The following ITPR1 variants were observed in gnomAD, a reference collection of about 807,000 sequenced individuals.
The protein encoded by ITPR1 is inositol 1,4,5-trisphosphate-gated calcium channel ITPR1.
Under a neutral mutation model 318.4 loss-of-function variants are expected in ITPR1, and 96 were observed. The observed-to-expected ratio is 0.30, with a 90% CI of 0.26 to 0.36. ITPR1 has a LOEUF of 0.36. Ranked by LOEUF, ITPR1 falls within the 10% of genes least tolerant of loss-of-function variation. The probability of loss-of-function intolerance (pLI) is 1.00; values close to 1 mark genes in which losing one functional copy is unlikely to be tolerated. For synonymous variants in ITPR1, 1,312 were observed against 1,289.9 expected (o/e 1.02, Z -0.37); for missense variants, 2,440 against 3,460.2 (o/e 0.71, Z 7.40).
At chr3:4,563,042 A>G (rs2125020200) in intron 4 of ITPR1, among the ~76,000 whole-genome samples, 1 of 152,300 alleles carries the variant, frequency 6.6e-6, no homozygotes, top group East Asian at 1.9e-4. Context: ...CAAGTTTAGG[A>G]AGAGCTGGCC....
chr3:4,707,036 TG>T (rs2094772588), intron 37 of ITPR1, among the ~76,000 whole-genome samples: 1 of 151,882 alleles, frequency 6.6e-6, no homozygotes, highest in African/African-American at 2.4e-5. Context: ...GGCCAGTGCC[TG>T]GGTTAAATTT....
At chr3:4,574,353 T>C (rs2088386385) in intron 4 of ITPR1, among the ~76,000 whole-genome samples, 1 of 152,216 alleles carries the variant, frequency 6.6e-6, no homozygotes, top group South Asian at 2.1e-4. Context: ...GTGAGGGCAA[T>C]GCTTCGTTTG....
chr3:4,818,371 C>T (rs777410804), intron 60 of ITPR1, 129 bp downstream of exon 60: 41 of 658,506 alleles, frequency 6.2e-5, no homozygotes, highest in Middle Eastern at 4.4e-4. Context: ...GCCCTTCTCA[C>T]GGATGGGGCG....
chr3:4,787,497 C>G (rs1295256642), intron 51 of ITPR1, among the ~76,000 whole-genome samples: 1 of 149,716 alleles, frequency 6.7e-6, no homozygotes, highest in South Asian at 2.1e-4. Flanking sequence ...GAGTTTGAGA[C>G]CAGCCTGGCC....
chr3:4,813,301 T>C, intron 57 of ITPR1, 67 bp downstream of exon 57: 1 of 1,092,202 alleles, frequency 9.2e-7, no homozygotes, highest in Non-Finnish European at 1.3e-6. Flanking sequence ...CTGATGCAGG[T>C]GATGTTGGAA....
At chr3:4,843,787 A>C (rs942824741) in intron 61 of ITPR1, among the ~76,000 whole-genome samples, 4 of 152,166 alleles carry the variant, frequency 2.6e-5, no homozygotes, top group African/African-American at 9.7e-5. Context: ...AGGGCTGCTA[A>C]CTGAGGAGGC....
chr3:4,606,416 C>A lies in ITPR1; in HGVS notation c.164-21347C>A, dbSNP rs1485552812. Among the ~76,000 whole-genome samples, 5 of 152,026 alleles carry A rather than the reference C, an allele frequency of 3.3e-5. No homozygotes were observed. The East Asian group carries it at 9.6e-4, about 29-fold the overall frequency. On this transcript the variant is annotated intron_variant, in intron 4 of 61. Transcript: ENST00000649015. ...AAACCAAAAGGTATCTGAGGCAGGT[C>A]TCAATCAGTGTGAAAGTTTATTTTA...
At chr3:4,737,865 C>T (rs943284474) in intron 44 of ITPR1, among the ~76,000 whole-genome samples, 1 of 152,188 alleles carries the variant, frequency 6.6e-6, no homozygotes, top group Non-Finnish European at 1.5e-5. Context: ...GTGGTGGTTA[C>T]ATGACTGTGC....
At chr3:4,549,385 T>G (rs1445640401) in intron 4 of ITPR1, among the ~76,000 whole-genome samples, 1 of 152,148 alleles carries the variant, frequency 6.6e-6, no homozygotes, top group East Asian at 1.9e-4. Flanking sequence ...GGAAAGAACT[T>G]CTAAGCTTCT....
intron 11 of ITPR1, 71 bp from the exon 12 acceptor site, chr3:4,653,771 T>A: frequency 9.0e-7 from 1 of 1,111,256 alleles, no homozygotes; most frequent in South Asian, 1.3e-5. Context: ...CCTTGAAGTC[T>A]CCTGCAAGTG....
At chr3:4,574,737 C>T (rs193134914) in intron 4 of ITPR1, among the ~76,000 whole-genome samples, 17 of 152,368 alleles carry the variant, frequency 1.1e-4, no homozygotes, top group African/African-American at 3.6e-4. Context: ...GAGAGAGCTC[C>T]TGATGCGTCA....
intron 49 of ITPR1, among the ~76,000 whole-genome samples, chr3:4,780,618 A>C (rs1441933647): frequency 2.0e-5 from 3 of 152,172 alleles, no homozygotes; most frequent in Non-Finnish European, 4.4e-5. Flanking sequence ...CTGAATGTGC[A>C]CTTGGGGGCC....
At chr3:4,531,673 C>G (rs1331979055) in intron 4 of ITPR1, among the ~76,000 whole-genome samples, 1 of 152,198 alleles carries the variant, frequency 6.6e-6, no homozygotes, top group Non-Finnish European at 1.5e-5. Context: ...AGTCAGAATA[C>G]TTGCTCTGTA....
intron 50 of ITPR1, 133 bp from the exon 51 acceptor site, chr3:4,783,683 C>A: frequency 1.4e-6 from 1 of 733,776 alleles, no homozygotes; most frequent in Non-Finnish European, 2.4e-6. Flanking sequence ...ATGGAGCAAG[C>A]CTCGTGGCAC....
At chr3:4,580,439 C>A (rs1158849416) in intron 4 of ITPR1, among the ~76,000 whole-genome samples, 1 of 152,196 alleles carries the variant, frequency 6.6e-6, no homozygotes, top group African/African-American at 2.4e-5. Flanking sequence ...GAGAACCCCA[C>A]AGATCCCCCA....
chr3:4,520,176 A>G (rs962136002), intron 3 of ITPR1, among the ~76,000 whole-genome samples: 5 of 152,224 alleles, frequency 3.3e-5, no homozygotes, highest in African/African-American at 1.2e-4. Context: ...AGCCAGTTCT[A>G]TCAGTACCAG....
In ITPR1 at chr3:4,706,192, C is replaced by T. The variant is rs529789068; in HGVS notation, c.4683C>T (p.Pro1561=). 4.3e-5 allele frequency: 70 copies of T among 1,614,054 alleles called. No individual in the cohort carries two copies. Among genetic ancestry groups the T allele is most frequent in the African/African-American group, 9.3e-5 (7 of 75,060 alleles). Residue 1561 remains proline, a synonymous_variant, in exon 37 of 62, where the codon CCC becomes CCT. Coordinates refer to ENST00000649015, the MANE Select transcript of ITPR1 (RefSeq NM_001378452.1). ...CCAAGAGCCGGGCCATTGCCATTCC[C>T]GTGGACCTGGACAGCCAAGTCAACA... ...DVAKSRAIAI[P]VDLDSQVNNL...
intron 20 of ITPR1, among the ~76,000 whole-genome samples, 195 bp from the exon 21 acceptor site, chr3:4,672,941 C>T (rs1279247718): frequency 6.6e-6 from 1 of 152,182 alleles, no homozygotes; most frequent in East Asian, 1.9e-4. Flanking sequence ...CTCTACTGCA[C>T]AGCTTGAATA....
intron 52 of ITPR1, among the ~76,000 whole-genome samples, chr3:4,789,101 G>A (rs893715943): frequency 1.3e-5 from 2 of 152,146 alleles, no homozygotes; most frequent in Non-Finnish European, 2.9e-5. Context: ...TCGCCCAAAG[G>A]TCCCATTCCC....
Sources: gnomAD v4.1 joint callset for allele counts (sites outside exome capture counted in the v4.1 genomes callset) on GRCh38, gnomAD v4.1.1 for gene constraint, MANE v1.5 for transcripts, NCBI Gene and HGNC (gene_info 2026-07-23, HGNC 2026-07-21) for gene names.